Variants in VPS54 observed in about 807,000 individuals in gnomAD.
VPS54 encodes the protein vacuolar protein sorting-associated protein 54.
In VPS54, 45 loss-of-function variants were observed where a neutral mutation model predicts 121.5. The ratio of observed to expected loss-of-function variants is 0.37; its 90% CI spans 0.29 to 0.47. The LOEUF is 0.47. VPS54 is among the 20% of genes least tolerant of loss of function. The pLI is 0.99. For missense variants in VPS54, 1,090 were observed against 1,131.4 expected (o/e 0.96, Z 0.52); for synonymous variants, 371 against 385.8 (o/e 0.96, Z 0.45).
At chr2:63,954,975 C>T (rs1365438219) in intron 7 of VPS54, among the ~76,000 whole-genome samples, 2 of 151,938 alleles carry the variant, frequency 1.3e-5, no homozygotes, top group Non-Finnish European at 2.9e-5. Flanking sequence ...ACAATAAACA[C>T]ACCATAAGAA....
chr2:63,992,642 C>G (rs1172488325), intron 1 of VPS54, among the ~76,000 whole-genome samples: 3 of 152,224 alleles, frequency 2.0e-5, no homozygotes, highest in African/African-American at 7.2e-5. Flanking sequence ...AAATTTGGAA[C>G]CTTCTTTCCC....
intron 3 of VPS54, among the ~76,000 whole-genome samples, chr2:63,976,863 C>G (rs1341013218): frequency 8.6e-6 from 1 of 115,836 alleles, no homozygotes; most frequent in African/African-American, 3.4e-5. Context: ...GAGTCTTGCT[C>G]TGTCACCCAG....
intron 6 of VPS54, 33 bp downstream of exon 6, chr2:63,965,802 T>C (rs750613644): frequency 4.4e-6 from 7 of 1,606,980 alleles, no homozygotes; most frequent in Middle Eastern, 1.7e-4. Flanking sequence ...ACTAGAATAG[T>C]TTCCTACATG....
In VPS54 at chr2:63,938,059, G is replaced by GTGTGT. The variant is rs9309357; in HGVS notation, c.1399-4047_1399-4046insACACA. Among the ~76,000 whole-genome samples, 998 of 140,462 alleles carry GTGTGT rather than the reference G, an allele frequency of 7.1e-3. 6 individuals are homozygous for GTGTGT. Among genetic ancestry groups the GTGTGT allele is most frequent in the African/African-American group, 0.014 (523 of 36,124 alleles). The allele number at this position is 140,462 out of a possible 152,430, so 92.1% of individuals were successfully genotyped here. A position where few individuals can be genotyped will look rare whatever the true frequency, so the allele number is the denominator to read the frequency against. On this transcript the variant is annotated intron_variant, in intron 11 of 22. Coordinates refer to ENST00000272322, the MANE Select transcript of VPS54 (RefSeq NM_016516.3). The stretch of plus-strand genomic sequence containing the variant: ...AAACGTGTGTGTGTGTGGTGTGTGT[G>GTGTGT]GTGTGTGTGTGTGTGTGTGTGTGTG...
intron 12 of VPS54, among the ~76,000 whole-genome samples, chr2:63,930,454 A>T (rs1031157303): frequency 6.6e-6 from 1 of 152,200 alleles, no homozygotes; most frequent in Admixed American, 6.5e-5. Context: ...CCTTTGAAAA[A>T]ATTCAACAGC....
At chr2:63,992,186 C>T (rs1677355951) in intron 1 of VPS54, among the ~76,000 whole-genome samples, 1 of 152,160 alleles carries the variant, frequency 6.6e-6, no homozygotes, top group Admixed American at 6.5e-5. Context: ...TTGTTTTAAA[C>T]AAAGGAGATA....
At chr2:63,975,001 A>G in intron 3 of VPS54, 1 of 1,550,092 alleles carries the variant, frequency 6.5e-7, no homozygotes, top group Non-Finnish European at 8.7e-7. Context: ...TCCTGTTCTT[A>G]GTGGGAAGCA....
intron 20 of VPS54, among the ~76,000 whole-genome samples, chr2:63,905,279 T>C (rs751226778): frequency 6.6e-6 from 1 of 152,086 alleles, no homozygotes; most frequent in Non-Finnish European, 1.5e-5. Flanking sequence ...AAACATGTGA[T>C]AAACTTCTAG....
At chr2:63,905,379 C>T (rs1672860493) in intron 20 of VPS54, among the ~76,000 whole-genome samples, 1 of 152,088 alleles carries the variant, frequency 6.6e-6, no homozygotes, top group Non-Finnish European at 1.5e-5. Context: ...TCCTCACTGA[C>T]ATTAAAAGAA....
intron 2 of VPS54, among the ~76,000 whole-genome samples, chr2:63,983,518 C>G (rs566050859): frequency 6.7e-6 from 1 of 149,212 alleles, no homozygotes; most frequent in Non-Finnish European, 1.5e-5. Flanking sequence ...TCTCAGCTCA[C>G]TGCATGCTCC....
chr2:63,996,168 G>C (rs6717558), intron 1 of VPS54, among the ~76,000 whole-genome samples: 272 of 152,254 alleles, frequency 1.8e-3, no homozygotes, highest in South Asian at 2.3e-3. Flanking sequence ...CGGAGGGACC[G>C]GCTGAAGCCA....
chr2:64,012,007 AAAGT>A (rs1318221729), intron 1 of VPS54, among the ~76,000 whole-genome samples: 2 of 152,226 alleles, frequency 1.3e-5, no homozygotes, highest in African/African-American at 4.8e-5. Flanking sequence ...GTTTAAGGGA[AAAGT>A]AAATACAGGG....
chr2:63,987,650 A>G (rs999607211), intron 1 of VPS54, among the ~76,000 whole-genome samples: 5 of 149,520 alleles, frequency 3.3e-5, no homozygotes, highest in Non-Finnish European at 7.5e-5. Flanking sequence ...GATTCTTCCA[A>G]TCCATGAACA....
chr2:63,948,767 T>C (rs981825785), intron 8 of VPS54, among the ~76,000 whole-genome samples: 1 of 152,180 alleles, frequency 6.6e-6, no homozygotes, highest in Non-Finnish European at 1.5e-5. Flanking sequence ...ATAAATTAAT[T>C]CATCCTATAT....
intron 6 of VPS54, among the ~76,000 whole-genome samples, chr2:63,962,898 T>C (rs80061798): frequency 0.013 from 2,022 of 152,250 alleles, 58 homozygotes; most frequent in African/African-American, 0.046. Context: ...AGGTATTTTA[T>C]ACACATCTAA....
intron 3 of VPS54, chr2:63,974,942 T>C: frequency 6.5e-7 from 1 of 1,529,500 alleles, no homozygotes; most frequent in Non-Finnish European, 8.8e-7. Flanking sequence ...AGTTAGGACT[T>C]CCAAGACAAT....
At chr2:63,936,838 G>A (rs1674478126) in intron 11 of VPS54, among the ~76,000 whole-genome samples, 1 of 152,080 alleles carries the variant, frequency 6.6e-6, no homozygotes, top group East Asian at 1.9e-4. Flanking sequence ...GCCCACAAAT[G>A]AACTCTCACA....
chr2:64,004,011 A>G (rs1282888491), intron 1 of VPS54, among the ~76,000 whole-genome samples: 1 of 152,218 alleles, frequency 6.6e-6, no homozygotes, highest in Non-Finnish European at 1.5e-5. Context: ...TTGTGTCAGA[A>G]AGCAAGATAT....
chr2:63,974,837 T>G, intron 3 of VPS54: 1 of 807,936 alleles, frequency 1.2e-6, no homozygotes, highest in South Asian at 3.3e-5. Context: ...CTTTTTGGAT[T>G]CTTTGGGATT....
Sources: gnomAD v4.1 joint callset for allele counts (sites outside exome capture counted in the v4.1 genomes callset) on GRCh38, gnomAD v4.1.1 for gene constraint, MANE v1.5 for transcripts, NCBI Gene and HGNC (gene_info 2026-07-23, HGNC 2026-07-21) for gene names.